Variants in CCND1 observed in about 807,000 individuals in gnomAD.
CCND1 encodes G1/S-specific cyclin-D1.
In CCND1, 9 loss-of-function variants were observed where a neutral mutation model predicts 26.1. The ratio of observed to expected loss-of-function variants is 0.35; its 90% CI spans 0.21 to 0.60. The LOEUF (loss-of-function observed/expected upper bound fraction) is 0.60, where lower values mean the gene tolerates loss of function less well. Among genes scored for constraint, CCND1 ranks in the 20% least tolerant of loss-of-function variants. The probability of loss-of-function intolerance (pLI) is 0.79; values close to 1 mark genes in which losing one functional copy is unlikely to be tolerated. For missense variants in CCND1, 335 were observed against 392.9 expected (o/e 0.85, Z 1.25); for synonymous variants, 194 against 166.1 (o/e 1.17, Z -1.29).
chr11:69,643,722 A>G (rs1338208800), intron 2 of CCND1, 110 bp from the exon 3 acceptor site: 2 of 985,798 alleles, frequency 2.0e-6, no homozygotes, highest in Admixed American at 2.6e-5. Flanking sequence ...CGCAGGGGCC[A>G]GTGCTCTGAG....
intron 1 of CCND1, among the ~76,000 whole-genome samples, chr11:69,642,751 G>T (rs1392206893): frequency 6.6e-6 from 1 of 151,868 alleles, no homozygotes; most frequent in Admixed American, 6.6e-5. Flanking sequence ...GGGTCCCGGG[G>T]GCCGGCAGCC....
In CCND1 at chr11:69,653,475, A is replaced by C. The variant is rs1855881825; in HGVS notation, c.*2193A>C. The C allele has an allele frequency of 7.0e-6, 4 of 568,806 alleles. No homozygotes were observed. The East Asian group carries it at 1.2e-4, about 18-fold the overall frequency. 35.2% of individuals were successfully genotyped at this position (568,806 alleles called of 1,614,324 possible). ...CTTAATGTGATTACTGCTCTATTCC[A>C]AAAAGGTTGCTGTTTCACAATACCT... On this transcript the variant is annotated 3_prime_UTR_variant, in exon 5 of 5. Transcript: ENST00000227507.
Position 69,643,104 on chromosome 11 carries a change from T to A in CCND1, c.272T>A (p.Leu91Gln). 6.2e-7 allele frequency: 1 copy of A among 1,611,216 alleles called. No homozygotes were observed. The highest frequency in any genetic ancestry group is 1.1e-5 in the South Asian group (1 of 90,624). The stretch of plus-strand genomic sequence containing the variant: ...AACTACCTGGACCGCTTCCTGTCGC[T>A]GGAGCCCGTGAAAAAGAGCCGCCTG... ...AMNYLDRFLS[L>Q]EPVKKSRLQL... Residue 91 changes from leucine to glutamine, a missense_variant, in exon 2 of 5, where the codon CTG becomes CAG. By Grantham distance (113) the Leu-to-Gln change is moderately radical. Transcript: ENST00000227507.
Position 69,641,472 on chromosome 11 carries a change from G to A in CCND1, c.159G>A (p.Leu53=), listed in dbSNP as rs1855699162. Reference sequence around the variant, plus strand: ...TCAAATGTGTGCAGAAGGAGGTCCTGCCGTCCATGCGGAAGATCGTCGCCA... The same window carrying A: ...TCAAATGTGTGCAGAAGGAGGTCCTACCGTCCATGCGGAAGATCGTCGCCA... The part of the protein sequence containing the change: ...SYFKCVQKEV[L]PSMRKIVATW... Residue 53 remains leucine, a synonymous_variant, in exon 1 of 5, where the codon CTG becomes CTA. Coordinates refer to ENST00000227507, the MANE Select transcript of CCND1 (RefSeq NM_053056.3). The A allele has an allele frequency of 6.2e-7, 1 of 1,613,338 alleles. No individual in the cohort carries two copies. The highest frequency in any genetic ancestry group is 1.1e-5 in the South Asian group (1 of 91,076).
chr11:69,652,162 C>T lies in CCND1; in HGVS notation c.*880C>T, dbSNP rs1298706058. 3 of 233,548 alleles carry T rather than the reference C, an allele frequency of 1.3e-5. No individual in the cohort carries two copies. Among genetic ancestry groups the T allele is most frequent in the Non-Finnish European group, 2.5e-5 (3 of 118,042 alleles). The allele number at this position is 233,548 out of a possible 1,614,324, so 14.5% of individuals were successfully genotyped here. On this transcript the variant is annotated 3_prime_UTR_variant, in exon 5 of 5. Transcript: ENST00000227507. ...AATATATTCTATTTTTATACTCTTC[C>T]TATTTTTGTAGTGACCTGTTTATGA...
At position 69,651,270 on chromosome 11, in the gene CCND1, C is replaced by G. The variant is rs535957987; in HGVS notation, c.876C>G (p.Asp292Glu). Reference sequence around the variant, plus strand: ...CTTGCACACCCACCGACGTGCGGGACGTGGACATCTGAGGGCGCCAGGCAG... The same window carrying G: ...CTTGCACACCCACCGACGTGCGGGAGGTGGACATCTGAGGGCGCCAGGCAG... ...DLACTPTDVR[D>E]VDI Residue 292 changes from aspartate (D) to glutamate (E), a missense_variant, in exon 5 of 5, where the codon GAC (aspartate) becomes GAG (glutamate). Physicochemically the swap from Asp to Glu is conservative, Grantham distance 45. Transcript: ENST00000227507. 7.2e-6 allele frequency: 11 copies of G among 1,533,688 alleles called. No homozygotes were observed. The highest frequency in any genetic ancestry group is 2.0e-5 in the Admixed American group (1 of 51,126).
In CCND1 at chr11:69,643,176, A is replaced by G. The variant is rs2120089617; in HGVS notation, c.344A>G (p.Glu115Gly). ...ATGTTCGTGGCCTCTAAGATGAAGG[A>G]GACCATCCCCCTGACGGCCGAGAAG... is the stretch of plus-strand genomic sequence containing the variant. ...TCMFVASKMK[E>G]TIPLTAEKLC... Residue 115 changes from glutamate (E) to glycine (G), a missense_variant, in exon 2 of 5, where the codon GAG becomes GGG. Coordinates refer to ENST00000227507, the MANE Select transcript of CCND1 (RefSeq NM_053056.3). 1 of 1,608,512 alleles carries G rather than the reference A, an allele frequency of 6.2e-7. No homozygotes were observed. The highest frequency in any genetic ancestry group is 8.5e-7 in the Non-Finnish European group (1 of 1,177,816).
Position 69,641,329 on chromosome 11 carries a change from C to T in CCND1, c.16C>T (p.Leu6=), listed in dbSNP as rs141529781. The T allele has an allele frequency of 1.7e-5, 28 of 1,612,380 alleles. No homozygotes were observed. The South Asian group carries it at 2.4e-4, about 14-fold the overall frequency. The change falls in exon 1 of 5, where the codon CTG becomes TTG. Residue 6 remains leucine (L), a synonymous_variant. Coordinates refer to ENST00000227507, the MANE Select transcript of CCND1 (RefSeq NM_053056.3). The part of the protein sequence containing the change: MEHQL[L]CCEVETIRRA... ...AGCCCCAGCCATGGAACACCAGCTCCTGTGCTGCGAAGTGGAAACCATCCG... is the reference window on the plus strand; with the variant it reads ...AGCCCCAGCCATGGAACACCAGCTCTTGTGCTGCGAAGTGGAAACCATCCG...
At chr11:69,649,107 G>A (rs1243705580) in intron 4 of CCND1, among the ~76,000 whole-genome samples, 1 of 152,206 alleles carries the variant, frequency 6.6e-6, no homozygotes, top group African/African-American at 2.4e-5. Flanking sequence ...TTATCCTTTG[G>A]GGGTGGTGAG....
chr11:69,646,603 G>A (rs941172542), intron 3 of CCND1, among the ~76,000 whole-genome samples: 1 of 152,134 alleles, frequency 6.6e-6, no homozygotes, highest in Non-Finnish European at 1.5e-5. Context: ...CATCCCTGCC[G>A]ACGTCCGGCT....
intron 1 of CCND1, among the ~76,000 whole-genome samples, 199 bp downstream of exon 1, chr11:69,641,710 A>C (rs552064429): frequency 3.0e-4 from 46 of 151,788 alleles, no homozygotes; most frequent in African/African-American, 1.1e-3. Flanking sequence ...GGGGTGCTAG[A>C]AGTAGCGTTT....
In CCND1 at chr11:69,653,959, G is replaced by A; in HGVS notation, c.*2677G>A. Reference sequence around the variant, plus strand: ...TTACACCATAATGCTAATTTAAAGAGACTCCAAATCTCAATGAAGCCAGCT... The same window carrying A: ...TTACACCATAATGCTAATTTAAAGAAACTCCAAATCTCAATGAAGCCAGCT... On this transcript the variant is annotated 3_prime_UTR_variant, in exon 5 of 5. Coordinates refer to ENST00000227507, the MANE Select transcript of CCND1 (RefSeq NM_053056.3). 3.5e-6 allele frequency: 2 copies of A among 572,594 alleles called. No individual in the cohort carries two copies. The highest frequency in any genetic ancestry group is 6.4e-5 in the Admixed American group (2 of 31,276). The allele number at this position is 572,594 out of a possible 1,614,324, so 35.5% of individuals were successfully genotyped here.
Position 69,654,343 on chromosome 11 carries a change from G to A in CCND1, c.*3061G>A, listed in dbSNP as rs776125781. 5.1e-5 allele frequency: 36 copies of A among 702,450 alleles called. 1 individual carries two copies. The highest frequency in any genetic ancestry group is 3.0e-4 in the African/African-American group (17 of 57,244). 43.5% of individuals were successfully genotyped at this position (702,450 alleles called of 1,614,324 possible). On this transcript the variant is annotated 3_prime_UTR_variant, in exon 5 of 5. Transcript: ENST00000227507. The surrounding 1 kb of genome is among the most constrained non-coding windows in gnomAD (Gnocchi z 6.3). Reference sequence around the variant, plus strand: ...GACGCGCAAGTCTGAGGGTCTGGGCGGCGGGCGGCTGGGTCTGTGCATTTC... The same window carrying A: ...GACGCGCAAGTCTGAGGGTCTGGGCAGCGGGCGGCTGGGTCTGTGCATTTC...
intron 4 of CCND1, 33 bp downstream of exon 4, chr11:69,648,175 C>T (rs528354355): frequency 4.0e-5 from 64 of 1,611,760 alleles, no homozygotes; most frequent in South Asian, 1.8e-4. Flanking sequence ...GCAGCCTTGC[C>T]GGGGCTTACA....
Position 69,643,051 on chromosome 11 carries a change from C to T in CCND1, c.219C>T (p.Cys73=), listed in dbSNP as rs2120088234. The T allele has an allele frequency of 6.2e-7, 1 of 1,604,056 alleles. No homozygotes were observed. The highest frequency in any genetic ancestry group is 8.5e-7 in the Non-Finnish European group (1 of 1,175,884). The change falls in exon 2 of 5, where the codon TGC becomes TGT. Residue 73 remains cysteine (C), a synonymous_variant. Coordinates refer to ENST00000227507, the MANE Select transcript of CCND1 (RefSeq NM_053056.3). Reference sequence around the variant, plus strand: ...CGTAGGTCTGCGAGGAACAGAAGTGCGAGGAGGAGGTCTTCCCGCTGGCCA... The same window carrying T: ...CGTAGGTCTGCGAGGAACAGAAGTGTGAGGAGGAGGTCTTCCCGCTGGCCA... The part of the protein sequence containing the change: ...WMLEVCEEQK[C]EEEVFPLAMN...
In CCND1 at chr11:69,644,222, G is replaced by A. The variant is rs530087909; in HGVS notation, c.574+231G>A. The A allele has an allele frequency of 5.5e-5, 31 of 566,628 alleles. No individual in the cohort carries two copies. In the East Asian group the frequency reaches 9.1e-4, roughly 17 times the overall value. 35.1% of individuals were successfully genotyped at this position (566,628 alleles called of 1,614,324 possible). A position where few individuals can be genotyped will look rare whatever the true frequency, so the allele number is the denominator to read the frequency against. On this transcript the variant is annotated intron_variant, in intron 3 of 4. Coordinates refer to ENST00000227507, the MANE Select transcript of CCND1 (RefSeq NM_053056.3). Reference sequence around the variant, plus strand: ...GCCACCATGCAGTACCTTGGGCATTGGTGTGGACGGCTCAGCCTGCCTGTG... The same window carrying A: ...GCCACCATGCAGTACCTTGGGCATTAGTGTGGACGGCTCAGCCTGCCTGTG...
chr11:69,653,525 C>T lies in CCND1; in HGVS notation c.*2243C>T, dbSNP rs1855882210. 1 of 558,506 alleles carries T rather than the reference C, an allele frequency of 1.8e-6. No individual in the cohort carries two copies. Among genetic ancestry groups the T allele is most frequent in the Non-Finnish European group, 3.1e-6 (1 of 319,612 alleles). 34.6% of individuals were successfully genotyped at this position (558,506 alleles called of 1,614,324 possible). A position where few individuals can be genotyped will look rare whatever the true frequency, so the allele number is the denominator to read the frequency against. ...TCATGCTTCACTTAGCCATGGTGGA[C>T]CCAGCGGGCAGGTTCTGCCTGCTTT... On this transcript the variant is annotated 3_prime_UTR_variant, in exon 5 of 5. Transcript: ENST00000227507.
At chr11:69,642,433 GGGGGGGCCCCGGAGTTTGAATTCCT>G (rs1177368615) in intron 1 of CCND1, among the ~76,000 whole-genome samples, 6 of 152,148 alleles carry the variant, frequency 3.9e-5, no homozygotes, top group Non-Finnish European at 7.4e-5. Flanking sequence ...CCAGGGGGAA[GGGGGGGCCCCGGAGTTTGAATTCCT>G]GGGGCTCCCC....
At position 69,641,448 on chromosome 11, in the gene CCND1, C is replaced by A. The variant is rs1173840555; in HGVS notation, c.135C>A (p.Phe45Leu). The A allele has an allele frequency of 6.2e-7, 1 of 1,613,494 alleles. No homozygotes were observed. Among genetic ancestry groups the A allele is most frequent in the Admixed American group, 1.7e-5 (1 of 60,020 alleles). ...CCTGCGCGCCCTCGGTGTCCTACTT[C>A]AAATGTGTGCAGAAGGAGGTCCTGC... ...EETCAPSVSY[F>L]KCVQKEVLPS... Residue 45 changes from phenylalanine to leucine, a missense_variant, in exon 1 of 5, where the codon TTC (phenylalanine) becomes TTA (leucine). Physicochemically the swap from Phe to Leu is conservative, Grantham distance 22. Transcript: ENST00000227507.
Sources: allele counts gnomAD v4.1 joint callset (sites outside exome capture counted in the v4.1 genomes callset), GRCh38; gene constraint gnomAD v4.1.1; non-coding constraint Gnocchi (gnomAD v3.1); transcripts MANE v1.5; gene names NCBI Gene and HGNC (gene_info 2026-07-23, HGNC 2026-07-21).